The following USP9X variants were observed in gnomAD, a reference collection of about 807,000 sequenced individuals.
USP9X encodes ubiquitin carboxyl-terminal hydrolase 9X.
A neutral mutation model predicts 190.3 loss-of-function variants in USP9X; 7 were observed. That is an observed-to-expected ratio of 0.04 (90% CI 0.02 to 0.07). The LOEUF (loss-of-function observed/expected upper bound fraction) is 0.07. USP9X is among the 10% of genes least tolerant of loss of function. USP9X has a pLI of 1.00. For missense variants in USP9X, 1,010 were observed against 1,916.9 expected, an observed-to-expected ratio of 0.53 and a Z score of 8.83; for synonymous variants, 645 against 659.5, an observed-to-expected ratio of 0.98 and a Z score of 0.34.
chrX:41,193,305 T>G (rs1406678983), intron 26 of USP9X, among the ~76,000 whole-genome samples: 1 of 111,568 alleles, frequency 9.0e-6, no homozygotes, highest in Admixed American at 9.5e-5. Flanking sequence ...GTAAGTTTAT[T>G]CTGGTTAAGA....
chrX:41,091,877 T>TA (rs1236829548), intron 1 of USP9X, among the ~76,000 whole-genome samples: 1 of 112,070 alleles, frequency 8.9e-6, no homozygotes, highest in Non-Finnish European at 1.9e-5. Context: ...AAATTAACAT[T>TA]AAACTGTCTC....
At chrX:41,186,193 T>C (rs1021536628) in intron 23 of USP9X, among the ~76,000 whole-genome samples, 4 of 111,177 alleles carry the variant, frequency 3.6e-5, no homozygotes, top group African/African-American at 1.3e-4. Context: ...ACATAAAAGA[T>C]GTACAATACT....
chrX:41,205,155 CACTA>C lies in USP9X; in HGVS notation c.4825-146_4825-143del, dbSNP rs3841517. ...TAATATGTGAAATGGTGGGGATAAACACTAAATAACTAAAAATTTATAAATTGAA... is the reference window on the plus strand; with the variant it reads ...TAATATGTGAAATGGTGGGGATAAACAATAACTAAAAATTTATAAATTGAA... On this transcript the variant is annotated intron_variant, in intron 31 of 44. Coordinates refer to ENST00000378308, the MANE Select transcript of USP9X (RefSeq NM_001039591.3). 0.12 allele frequency: 55,249 copies of C among 448,587 alleles called. 2,782 individuals are homozygous for C. The highest frequency in any genetic ancestry group is 0.24 in the East Asian group (5,884 of 24,858). The allele number at this position is 448,587 out of a possible 1,213,427, so 37.0% of individuals were successfully genotyped here.
chrX:41,142,399 T>C (rs1015406716), intron 9 of USP9X, among the ~76,000 whole-genome samples: 11 of 111,634 alleles, frequency 9.9e-5, no homozygotes, highest in African/African-American at 3.6e-4. Flanking sequence ...CCCAGCACTT[T>C]GGGAGGCCGA....
chrX:41,100,405 A>G (rs1381546846), intron 1 of USP9X, among the ~76,000 whole-genome samples: 2 of 112,161 alleles, frequency 1.8e-5, no homozygotes, highest in Non-Finnish European at 3.8e-5. Context: ...GTAGAACAGG[A>G]ATTCAAACTA....
intron 14 of USP9X, among the ~76,000 whole-genome samples, chrX:41,155,682 A>G (rs1213337730): frequency 2.9e-5 from 3 of 104,030 alleles, no homozygotes; most frequent in African/African-American, 1.1e-4. Context: ...ATCCTGTGCT[A>G]GATTTTCTCA....
chrX:41,178,185 C>G (rs2093799726), intron 21 of USP9X, among the ~76,000 whole-genome samples: 1 of 93,085 alleles, frequency 1.1e-5, no homozygotes, highest in African/African-American at 4.1e-5. Flanking sequence ...ACTGCACCCT[C>G]TGCCTCCTGG....
At chrX:41,116,605 T>C (rs1253396090) in intron 1 of USP9X, among the ~76,000 whole-genome samples, 1 of 112,504 alleles carries the variant, frequency 8.9e-6, no homozygotes, top group Non-Finnish European at 1.9e-5. Flanking sequence ...TTTCTCCCAC[T>C]CAAACCTTTC....
intron 11 of USP9X, among the ~76,000 whole-genome samples, chrX:41,147,806 A>T (rs2062483932): frequency 8.9e-6 from 1 of 112,035 alleles, no homozygotes; most frequent in Non-Finnish European, 1.9e-5. Context: ...TTTATTTTCT[A>T]ATAAACACTG....
chrX:41,207,931 T>G (rs1275829012), intron 32 of USP9X, among the ~76,000 whole-genome samples: 1 of 110,818 alleles, frequency 9.0e-6, no homozygotes, highest in Non-Finnish European at 1.9e-5. Context: ...TTCAGTTCTG[T>G]CTTCTTTCCC....
chrX:41,128,968 C>G lies in USP9X; in HGVS notation c.97-32C>G, dbSNP rs776650027. The G allele has an allele frequency of 2.5e-6, 3 of 1,189,680 alleles. No homozygotes were observed. In the Admixed American group the frequency reaches 6.9e-5, roughly 27 times the overall value. ...TACTATTTTACATATGTTATAGAAA[C>G]TTAAATGTGGAATGTTTAATTTTTA... On this transcript the variant is annotated intron_variant, in intron 2 of 44. Transcript: ENST00000378308.
At chrX:41,144,375 G>A in intron 10 of USP9X, 147 bp from the exon 11 acceptor site, 1 of 477,722 alleles carries the variant, frequency 2.1e-6, no homozygotes, top group Non-Finnish European at 3.6e-6. Context: ...ATTTGCCACT[G>A]TGCGGGCTGT....
At chrX:41,164,820 T>G (rs913736798) in intron 15 of USP9X, among the ~76,000 whole-genome samples, 12 of 112,090 alleles carry the variant, frequency 1.1e-4, no homozygotes, top group Admixed American at 3.8e-4. Flanking sequence ...GCTCTTCCTA[T>G]TAGACCGGTA....
chrX:41,175,391 C>T (rs755946119), intron 21 of USP9X, among the ~76,000 whole-genome samples: 12 of 109,551 alleles, frequency 1.1e-4, no homozygotes, highest in Admixed American at 5.8e-4. Context: ...TGTGGTGATG[C>T]GCACCTGTAG....
In USP9X at chrX:41,098,503, C is replaced by G. The variant is rs145584391; in HGVS notation, c.-159+12394C>G. On this transcript the variant is annotated intron_variant, in intron 1 of 44. Coordinates refer to ENST00000378308, the MANE Select transcript of USP9X (RefSeq NM_001039591.3). The stretch of plus-strand genomic sequence containing the variant: ...AACTTCGGATAAATGGAGTAATACA[C>G]TATATACTCCTGTATCTGGCTGCTG... Among the ~76,000 whole-genome samples the G allele has an allele frequency of 1.5e-3, 160 of 109,846 alleles. 3 individuals are homozygous for G. The East Asian group carries it at 0.041, about 28-fold the overall frequency.
At chrX:41,146,640 C>G (rs1161416120) in intron 11 of USP9X, among the ~76,000 whole-genome samples, 1 of 66,227 alleles carries the variant, frequency 1.5e-5, no homozygotes, top group South Asian at 6.8e-4. Flanking sequence ...GAGTATCTTT[C>G]TGTATATTTT....
At chrX:41,198,279 T>C (rs950625750) in intron 29 of USP9X, among the ~76,000 whole-genome samples, 3 of 112,305 alleles carry the variant, frequency 2.7e-5, no homozygotes, top group Non-Finnish European at 3.8e-5. Flanking sequence ...AATAAAAATT[T>C]TGATAAGTAC....
rs1430774566 is a variant in USP9X at position 41,235,638 on chromosome X, T to C, written c.*3114T>C. 8.9e-6 allele frequency: 1 copy of C among 112,752 alleles called. No individual in the cohort carries two copies. The highest frequency in any genetic ancestry group is 1.9e-5 in the Non-Finnish European group (1 of 53,278). The allele number at this position is 112,752 out of a possible 1,213,427, so 9.3% of individuals were successfully genotyped here. ...CTTGTTAAACCATGTTGCTGCTGTT[T>C]CTAAGCCCTCCACCAACTGAACTTT... On this transcript the variant is annotated 3_prime_UTR_variant, in exon 45 of 45. Coordinates refer to ENST00000378308, the MANE Select transcript of USP9X (RefSeq NM_001039591.3).
At chrX:41,109,488 G>C (rs2062093265) in intron 1 of USP9X, among the ~76,000 whole-genome samples, 1 of 112,282 alleles carries the variant, frequency 8.9e-6, no homozygotes, top group African/African-American at 3.2e-5. Flanking sequence ...ATTTCTAAAA[G>C]AATACATTTC....
Sources: allele counts gnomAD v4.1 joint callset (sites outside exome capture counted in the v4.1 genomes callset), GRCh38; gene constraint gnomAD v4.1.1; transcripts MANE v1.5; gene names NCBI Gene and HGNC (gene_info 2026-07-23, HGNC 2026-07-21).